ACVR1: variants seen among roughly 807,000 people sequenced by gnomAD.
ACVR1 encodes the protein activin receptor type-1.
ACVR1 carries 38 observed loss-of-function variants against 57.1 expected under a neutral mutation model. That is an observed-to-expected ratio of 0.67 (90% CI 0.51 to 0.87). The LOEUF is 0.87. Among genes scored for constraint, ACVR1 ranks in the 40% least tolerant of loss-of-function variants. The probability of loss-of-function intolerance (pLI) is 0.00; values close to 1 mark genes in which losing one functional copy is unlikely to be tolerated. For synonymous variants in ACVR1, 212 were observed against 228.1 expected (o/e 0.93, Z 0.63); for missense variants, 463 against 638.2 (o/e 0.73, Z 2.96).
At chr2:157,743,319 C>T (rs1041649016) in intron 9 of ACVR1, among the ~76,000 whole-genome samples, 11 of 152,128 alleles carry the variant, frequency 7.2e-5, no homozygotes, top group Admixed American at 4.6e-4. Flanking sequence ...AGTGCCCTCA[C>T]CCCCATACTC....
intron 9 of ACVR1, 21 bp downstream of exon 9, chr2:157,760,854 AATATT>A: frequency 6.2e-7 from 1 of 1,610,200 alleles, no homozygotes; most frequent in South Asian, 1.1e-5. Context: ...GGATTAAGAC[AATATT>A]ATATTAGATT....
chr2:157,800,935 AT>A (rs1175126232), intron 2 of ACVR1, among the ~76,000 whole-genome samples: 1 of 151,728 alleles, frequency 6.6e-6, no homozygotes, highest in Non-Finnish European at 1.5e-5. Flanking sequence ...GTCATACATG[AT>A]TCCGGCTCAA....
Position 157,738,570 on chromosome 2 carries a change from C to A in ACVR1, c.1265G>T (p.Gly422Val). The A allele has an allele frequency of 1.2e-6, 2 of 1,614,008 alleles. No homozygotes were observed. The highest frequency in any genetic ancestry group is 8.5e-7 in the Non-Finnish European group (1 of 1,179,934). ...CGGTGGCTTGTAATCCTCCACTATA[C>A]CTGCACACAAGGACAAGAATTGTGT... ...WEVARRMVSN[G>V]IVEDYKPPFY... Residue 422 changes from glycine to valine, a missense_variant and splice_region_variant, in exon 10 of 11, where the codon GGT becomes GTT. Physicochemically the swap from Gly to Val is moderately radical, Grantham distance 109 (BLOSUM62 -3). Coordinates refer to ENST00000434821, the MANE Select transcript of ACVR1 (RefSeq NM_001111067.4).
rs995751278 is a variant in ACVR1, at chr2:157,773,853, A to G, written c.643+235T>C. Among the ~76,000 whole-genome samples the G allele has an allele frequency of 6.6e-5, 10 of 152,170 alleles. 1 individual carries two copies. The highest frequency in any genetic ancestry group is 6.5e-4 in the Admixed American group (10 of 15,268). On this transcript the variant is annotated intron_variant, in intron 6 of 10. Coordinates refer to ENST00000434821, the MANE Select transcript of ACVR1 (RefSeq NM_001111067.4). Reference sequence around the variant, plus strand: ...CATCATCCCAAAGGGTCCACTTACAACTGAAAGCTTTTGACTCTGCATTCT... The same window carrying G: ...CATCATCCCAAAGGGTCCACTTACAGCTGAAAGCTTTTGACTCTGCATTCT...
intron 2 of ACVR1, among the ~76,000 whole-genome samples, chr2:157,814,045 C>G (rs1687848514): frequency 6.6e-6 from 1 of 152,222 alleles, no homozygotes; most frequent in African/African-American, 2.4e-5. Context: ...GAATTAGGGT[C>G]TGTTTTTTAC....
rs752171060 is a variant in ACVR1, at chr2:157,780,500, T to C, written c.168A>G (p.Ser56=). 1.2e-6 allele frequency: 2 copies of C among 1,613,930 alleles called. No individual in the cohort carries two copies. Among genetic ancestry groups the C allele is most frequent in the African/African-American group, 1.3e-5 (1 of 74,928 alleles). Residue 56 remains serine (S), a synonymous_variant, in exon 4 of 11, where the codon TCA becomes TCG. Transcript: ENST00000434821. The stretch of plus-strand genomic sequence containing the variant: ...CGTGGAAGCCATCGTTGATGCTCAG[T>C]GAGGAAAAGCACTGCTGGCCTTCAC... ...DHCEGQQCFS[S]LSINDGFHVY...
intron 3 of ACVR1, among the ~76,000 whole-genome samples, chr2:157,797,068 G>A (rs1687150893): frequency 6.6e-6 from 1 of 152,206 alleles, no homozygotes; most frequent in African/African-American, 2.4e-5. Context: ...AAAAACAGGT[G>A]AAATTTACAT....
intron 9 of ACVR1, among the ~76,000 whole-genome samples, chr2:157,754,383 G>C (rs910205153): frequency 6.6e-6 from 1 of 152,080 alleles, no homozygotes; most frequent in Non-Finnish European, 1.5e-5. Context: ...GAAAAGAAGA[G>C]AGAAGATCTA....
intron 9 of ACVR1, among the ~76,000 whole-genome samples, chr2:157,751,967 G>A (rs1356537980): frequency 6.6e-6 from 1 of 152,116 alleles, no homozygotes; most frequent in Non-Finnish European, 1.5e-5. Flanking sequence ...ATGCTCTCTT[G>A]AAAGCGCCAC....
chr2:157,822,181 A>G (rs1255556767), intron 1 of ACVR1, among the ~76,000 whole-genome samples: 1 of 152,236 alleles, frequency 6.6e-6, no homozygotes, highest in Non-Finnish European at 1.5e-5. Context: ...TACTTCAGAA[A>G]GCAGGATATG....
chr2:157,848,450 A>C (rs145969521), intron 1 of ACVR1, among the ~76,000 whole-genome samples: 1 of 152,310 alleles, frequency 6.6e-6, no homozygotes, highest in East Asian at 1.9e-4. Flanking sequence ...ACCGCCAGAC[A>C]TGCGAGTGAA....
chr2:157,771,026 G>A (rs1686053412), intron 6 of ACVR1, among the ~76,000 whole-genome samples: 1 of 152,118 alleles, frequency 6.6e-6, no homozygotes, highest in African/African-American at 2.4e-5. Context: ...TTCCACAAAG[G>A]AGAACAATTA....
intron 1 of ACVR1, among the ~76,000 whole-genome samples, chr2:157,859,601 C>A (rs144484075): frequency 6.6e-6 from 1 of 152,108 alleles, no homozygotes; most frequent in African/African-American, 2.4e-5. Flanking sequence ...CCCAGATTGC[C>A]TGCAGTTATC....
intron 1 of ACVR1, among the ~76,000 whole-genome samples, chr2:157,852,452 A>G (rs59292128): frequency 0.1 from 15,244 of 149,918 alleles, 1,446 homozygotes; most frequent in African/African-American, 0.26. Flanking sequence ...AACAGAGGTC[A>G]TGCCACTGTA....
intron 9 of ACVR1, among the ~76,000 whole-genome samples, chr2:157,751,040 C>T (rs1337424385): frequency 1.3e-5 from 2 of 152,090 alleles, no homozygotes; most frequent in African/African-American, 2.4e-5. Flanking sequence ...CAGGAATATA[C>T]CAGGAAAGCT....
At position 157,736,672 on chromosome 2, in the gene ACVR1, G is replaced by A. The variant is rs1488564860; in HGVS notation, c.*859C>T. 9.3e-6 allele frequency: 3 copies of A among 321,810 alleles called. No individual in the cohort carries two copies. The highest frequency in any genetic ancestry group is 1.7e-5 in the Non-Finnish European group (3 of 174,536). The allele number at this position is 321,810 out of a possible 1,614,324, so 19.9% of individuals were successfully genotyped here. ...TGTCACGTGGGTAATGGCTAAATAC[G>A]TTCTGCATATGAACTGAAAAAAAGT... is the stretch of plus-strand genomic sequence containing the variant. On this transcript the variant is annotated 3_prime_UTR_variant, in exon 11 of 11. Transcript: ENST00000434821.
intron 1 of ACVR1, among the ~76,000 whole-genome samples, chr2:157,871,606 T>C (rs1297706227): frequency 6.6e-6 from 1 of 152,210 alleles, no homozygotes; most frequent in Non-Finnish European, 1.5e-5. Flanking sequence ...CAAAGTGGAA[T>C]GTTGGTCAGA....
chr2:157,740,184 C>CA (rs34588062), intron 9 of ACVR1, among the ~76,000 whole-genome samples: 543 of 128,182 alleles, frequency 4.2e-3, no homozygotes, highest in East Asian at 0.015. Flanking sequence ...GATTCTGTCT[C>CA]AAAAAAAAAA....
intron 1 of ACVR1, among the ~76,000 whole-genome samples, chr2:157,853,482 A>G (rs1689397523): frequency 6.6e-6 from 1 of 152,238 alleles, no homozygotes; most frequent in Non-Finnish European, 1.5e-5. Flanking sequence ...TCCAAATAGC[A>G]TCACACTGAG....
Sources: gnomAD v4.1 joint callset for allele counts (sites outside exome capture counted in the v4.1 genomes callset) on GRCh38, gnomAD v4.1.1 for gene constraint, MANE v1.5 for transcripts, NCBI Gene and HGNC (gene_info 2026-07-23, HGNC 2026-07-21) for gene names.